The following TMOD2 variants were observed in gnomAD, a reference collection of about 807,000 sequenced individuals.
TMOD2 encodes tropomodulin 2.
A neutral mutation model predicts 39.9 loss-of-function variants in TMOD2; 22 were observed. The observed-to-expected ratio is 0.55, with a 90% CI of 0.39 to 0.79. The LOEUF is 0.79. TMOD2 is among the 30% of genes least tolerant of loss of function. The pLI is 0.00. For synonymous variants in TMOD2, 123 were observed against 146.1 expected (o/e 0.84, Z 1.14); for missense variants, 386 against 413.3 (o/e 0.93, Z 0.57).
intron 3 of TMOD2, among the ~76,000 whole-genome samples, chr15:51,771,123 A>C (rs2055851075): frequency 6.6e-6 from 1 of 152,208 alleles, no homozygotes; most frequent in Non-Finnish European, 1.5e-5. Flanking sequence ...CTGTCTGAGT[A>C]ATAGTGATAT....
intron 7 of TMOD2, among the ~76,000 whole-genome samples, chr15:51,786,063 T>C (rs2055968158): frequency 6.6e-6 from 1 of 152,152 alleles, no homozygotes; most frequent in South Asian, 2.1e-4. Flanking sequence ...TATATTCATT[T>C]ATATGGATAG....
chr15:51,755,364 T>C (rs1318477732), intron 1 of TMOD2, among the ~76,000 whole-genome samples: 1 of 152,234 alleles, frequency 6.6e-6, no homozygotes, highest in Non-Finnish European at 1.5e-5. Flanking sequence ...CCATCCTGTT[T>C]TGGCATCAAG....
At chr15:51,797,449 C>G (rs1043188755) in intron 7 of TMOD2, among the ~76,000 whole-genome samples, 6 of 152,250 alleles carry the variant, frequency 3.9e-5, no homozygotes, top group African/African-American at 1.4e-4. Flanking sequence ...CAGGCAACAA[C>G]TTGCTTGTGC....
At chr15:51,761,895 C>A (rs2055783324) in intron 1 of TMOD2, among the ~76,000 whole-genome samples, 1 of 147,876 alleles carries the variant, frequency 6.8e-6, no homozygotes, top group Non-Finnish European at 1.5e-5. Flanking sequence ...TGCCTGTAAT[C>A]CCAGCACTTT....
intron 1 of TMOD2, among the ~76,000 whole-genome samples, chr15:51,761,705 C>T (rs2055781929): frequency 6.8e-6 from 1 of 147,836 alleles, no homozygotes; most frequent in Non-Finnish European, 1.5e-5. Context: ...GCCTGGGCAA[C>T]AGAATGAGAC....
intron 1 of TMOD2, among the ~76,000 whole-genome samples, chr15:51,754,569 A>G (rs2055729521): frequency 6.6e-6 from 1 of 152,240 alleles, no homozygotes; most frequent in South Asian, 2.1e-4. Flanking sequence ...GTGTTTATGT[A>G]TACATGAAAA....
chr15:51,763,106 T>TA (rs200817394), intron 1 of TMOD2, among the ~76,000 whole-genome samples: 18 of 150,164 alleles, frequency 1.2e-4, no homozygotes, highest in East Asian at 1.2e-3. Flanking sequence ...AGCTAATTTT[T>TA]AAAAAAAAAA....
rs74015769 is a variant in TMOD2, at chr15:51,766,892, T to C, written c.126+325T>C. The C allele has an allele frequency of 6.0e-3, 1,067 of 177,536 alleles. 16 individuals are homozygous for C. The highest frequency in any genetic ancestry group is 0.024 in the African/African-American group (1,022 of 42,500). The allele number at this position is 177,536 out of a possible 1,614,324, so 11.0% of individuals were successfully genotyped here. On this transcript the variant is annotated intron_variant, in intron 2 of 9. Transcript: ENST00000249700. ...CAAATCTTACTGAGTTTTTTCTGAG[T>C]CATATATTTCTCTGGGCACAGAAGC... is the stretch of plus-strand genomic sequence containing the variant.
chr15:51,771,595 G>C (rs2055854192), intron 3 of TMOD2, among the ~76,000 whole-genome samples: 1 of 152,146 alleles, frequency 6.6e-6, no homozygotes, highest in Non-Finnish European at 1.5e-5. Flanking sequence ...AGCCCAGAAG[G>C]TCAAGGTTAC....
rs529257723 is a variant in TMOD2, at chr15:51,815,783, C to T, written c.*7329C>T. The T allele has an allele frequency of 6.6e-6, 1 of 152,244 alleles. No individual in the cohort carries two copies. The highest frequency in any genetic ancestry group is 2.1e-4 in the South Asian group (1 of 4,822). 9.4% of individuals were successfully genotyped at this position (152,244 alleles called of 1,614,324 possible). A position where few individuals can be genotyped will look rare whatever the true frequency, so the allele number is the denominator to read the frequency against. ...TGAATAAGCAGCATTTTTCATTGCA[C>T]TTAAAAATGTAAAATACCTGCATGC... On this transcript the variant is annotated 3_prime_UTR_variant, in exon 10 of 10. Transcript: ENST00000249700.
intron 7 of TMOD2, among the ~76,000 whole-genome samples, chr15:51,793,369 T>G (rs1452050209): frequency 5.3e-5 from 8 of 152,200 alleles, no homozygotes. Flanking sequence ...TTTGCATTCT[T>G]TTTTTCATAC....
At position 51,806,482 on chromosome 15, in the gene TMOD2, A is replaced by G. The variant is rs1235397885; in HGVS notation, c.982A>G (p.Thr328Ala). 2 of 1,614,212 alleles carry G rather than the reference A, an allele frequency of 1.2e-6. No homozygotes were observed. The highest frequency in any genetic ancestry group is 1.7e-6 in the Non-Finnish European group (2 of 1,180,014). The part of the protein sequence containing the change: ...GYQFTKQGPR[T>A]RVAAAITKNN... ...CCAGTTTACCAAGCAAGGGCCACGA[A>G]CAAGGGTGGCAGCTGCCATCACAAA... The change falls in exon 9 of 10, where the codon ACA becomes GCA. Residue 328 changes from threonine to alanine, a missense_variant. Transcript: ENST00000249700.
intron 6 of TMOD2, 134 bp from the exon 7 acceptor site, chr15:51,782,587 G>A: frequency 2.8e-6 from 2 of 706,752 alleles, no homozygotes; most frequent in South Asian, 1.9e-5. Flanking sequence ...TGAAGGCTAG[G>A]TAATGACCCT....
chr15:51,782,496 C>T (rs1179146134), intron 6 of TMOD2, among the ~76,000 whole-genome samples: 1 of 142,826 alleles, frequency 7.0e-6, no homozygotes, highest in Non-Finnish European at 1.6e-5. Context: ...AGAAAGACGA[C>T]ACTCAGAGGT....
intron 7 of TMOD2, among the ~76,000 whole-genome samples, chr15:51,791,526 A>C (rs993063543): frequency 4.6e-5 from 7 of 152,222 alleles, no homozygotes; most frequent in African/African-American, 1.7e-4. Flanking sequence ...ATATGGAACC[A>C]AAAAAGAGCC....
chr15:51,807,313 G>A (rs144914304), intron 9 of TMOD2, among the ~76,000 whole-genome samples: 64 of 152,304 alleles, frequency 4.2e-4, no homozygotes, highest in African/African-American at 1.4e-3. Context: ...GCCTCAAGGA[G>A]GACTCAGATA....
rs1006043560 is a variant in TMOD2, at chr15:51,751,711, G to C, written c.-71G>C. 1 of 153,638 alleles carries C rather than the reference G, an allele frequency of 6.5e-6. No individual in the cohort carries two copies. Among genetic ancestry groups the C allele is most frequent in the Non-Finnish European group, 1.4e-5 (1 of 69,402 alleles). The allele number at this position is 153,638 out of a possible 1,614,324, so 9.5% of individuals were successfully genotyped here. ...CCGGCTCCGGGATGAGCGCACGGACGGGTGAGCGCCCCGGGGGGCGGGTGG... is the reference window on the plus strand; with the variant it reads ...CCGGCTCCGGGATGAGCGCACGGACCGGTGAGCGCCCCGGGGGGCGGGTGG... On this transcript the variant is annotated splice_region_variant and 5_prime_UTR_variant, in exon 1 of 10. Coordinates refer to ENST00000249700, the MANE Select transcript of TMOD2 (RefSeq NM_014548.4).
intron 7 of TMOD2, among the ~76,000 whole-genome samples, chr15:51,790,399 C>A (rs1446274847): frequency 1.3e-5 from 2 of 151,884 alleles, no homozygotes; most frequent in Non-Finnish European, 2.9e-5. Context: ...AGGACCAGAC[C>A]GATTTACAGC....
At chr15:51,791,428 G>A (rs1295404287) in intron 7 of TMOD2, among the ~76,000 whole-genome samples, 1 of 152,126 alleles carries the variant, frequency 6.6e-6, no homozygotes, top group African/African-American at 2.4e-5. Flanking sequence ...TGGCCACACT[G>A]CCCAAAGTAA....
Sources: gnomAD v4.1 joint callset for allele counts (sites outside exome capture counted in the v4.1 genomes callset) on GRCh38, gnomAD v4.1.1 for gene constraint, MANE v1.5 for transcripts, NCBI Gene and HGNC (gene_info 2026-07-23, HGNC 2026-07-21) for gene names.